The following IMMP2L variants were observed in gnomAD, a reference collection of about 807,000 sequenced individuals.
The protein encoded by IMMP2L is inner mitochondrial membrane peptidase subunit 2, also known as mitochondrial inner membrane protease subunit 2.
IMMP2L carries 18 observed loss-of-function variants against 19.3 expected under a neutral mutation model. The observed-to-expected ratio is 0.93, with a 90% CI of 0.64 to 1.38. The LOEUF is 1.38. Among genes scored for constraint, IMMP2L ranks in the 40% most tolerant of loss-of-function variants. IMMP2L has a pLI of 0.00. For missense variants in IMMP2L, 233 were observed against 218.2 expected (o/e 1.07, Z -0.43); for synonymous variants, 76 against 73.0 (o/e 1.04, Z -0.21).
chr7:110,706,971 G>A (rs1053030740), intron 5 of IMMP2L, among the ~76,000 whole-genome samples: 4 of 146,636 alleles, frequency 2.7e-5, no homozygotes, highest in African/African-American at 1.0e-4. Flanking sequence ...GATTTTTACA[G>A]TTTGAGGTGT....
intron 3 of IMMP2L, among the ~76,000 whole-genome samples, chr7:111,162,411 C>T (rs547806604): frequency 2.0e-5 from 3 of 151,792 alleles, no homozygotes; most frequent in Non-Finnish European, 4.4e-5. Context: ...AGAAGTCTGG[C>T]AAGATTAAAA....
At chr7:110,801,314 C>T (rs1801224353) in intron 5 of IMMP2L, among the ~76,000 whole-genome samples, 1 of 151,962 alleles carries the variant, frequency 6.6e-6, no homozygotes, top group African/African-American at 2.4e-5. Context: ...TTGAGCCTTC[C>T]CATATACTGC....
intron 5 of IMMP2L, among the ~76,000 whole-genome samples, chr7:110,867,860 G>A (rs148805858): frequency 6.6e-6 from 1 of 151,926 alleles, no homozygotes; most frequent in Admixed American, 6.6e-5. Flanking sequence ...TTTCTGAAAC[G>A]CCTGAATTCA....
At chr7:110,791,482 C>G (rs536288055) in intron 5 of IMMP2L, among the ~76,000 whole-genome samples, 20 of 150,238 alleles carry the variant, frequency 1.3e-4, no homozygotes, top group South Asian at 2.1e-4. Flanking sequence ...GATAATTATT[C>G]TGACATACAT....
chr7:110,934,765 C>A (rs1287141059), intron 4 of IMMP2L, among the ~76,000 whole-genome samples: 2 of 152,070 alleles, frequency 1.3e-5, no homozygotes, highest in East Asian at 1.9e-4. Context: ...CCTTCTTTGT[C>A]TTTTTTGATA....
intron 3 of IMMP2L, among the ~76,000 whole-genome samples, chr7:111,250,774 A>G (rs1049082641): frequency 1.3e-5 from 2 of 151,474 alleles, no homozygotes; most frequent in Non-Finnish European, 3.0e-5. Flanking sequence ...TAAAGACTTA[A>G]ATGTAAAACC....
chr7:110,885,754 A>G (rs2129545437), intron 5 of IMMP2L, among the ~76,000 whole-genome samples: 1 of 152,148 alleles, frequency 6.6e-6, no homozygotes. Flanking sequence ...AGGGCATTCT[A>G]ATCTTTCCCT....
chr7:110,672,747 A>G (rs1562906040), intron 5 of IMMP2L, among the ~76,000 whole-genome samples: 2 of 152,278 alleles, frequency 1.3e-5, no homozygotes, highest in South Asian at 2.1e-4. Flanking sequence ...CAGTTCCAAA[A>G]TGATTCTCCT....
intron 3 of IMMP2L, among the ~76,000 whole-genome samples, chr7:111,168,286 T>C (rs565950541): frequency 1.3e-5 from 2 of 152,034 alleles, no homozygotes; most frequent in South Asian, 4.1e-4. Flanking sequence ...GTTCTGTTTT[T>C]TTTTTCTACA....
intron 5 of IMMP2L, among the ~76,000 whole-genome samples, chr7:110,714,492 A>G (rs769256594): frequency 1.2e-4 from 19 of 152,058 alleles, no homozygotes; most frequent in Non-Finnish European, 2.1e-4. Context: ...CCTCCTCCTC[A>G]ACTTCCTTTT....
chr7:111,501,556 T>A (rs1844259179), intron 2 of IMMP2L, among the ~76,000 whole-genome samples: 2 of 152,078 alleles, frequency 1.3e-5, no homozygotes, highest in Admixed American at 1.3e-4. Flanking sequence ...GGAAAAAATG[T>A]TAAGGGCAGC....
intron 5 of IMMP2L, among the ~76,000 whole-genome samples, chr7:110,675,220 G>T (rs1447355272): frequency 6.6e-6 from 1 of 152,122 alleles, no homozygotes; most frequent in South Asian, 2.1e-4. Flanking sequence ...ATCATCAAAA[G>T]TGGTGACCCC....
intron 2 of IMMP2L, among the ~76,000 whole-genome samples, chr7:111,496,649 G>A (rs1313895279): frequency 2.0e-5 from 3 of 152,096 alleles, no homozygotes; most frequent in Non-Finnish European, 4.4e-5. Flanking sequence ...TCTTTCCATT[G>A]CAAATCTTAG....
intron 4 of IMMP2L, among the ~76,000 whole-genome samples, chr7:110,891,564 T>A (rs949009864): frequency 6.6e-5 from 10 of 152,232 alleles, no homozygotes. Context: ...GGACAAACAA[T>A]AAGTAGCAAA....
chr7:110,808,054 G>A (rs1224178332), intron 5 of IMMP2L, among the ~76,000 whole-genome samples: 1 of 151,962 alleles, frequency 6.6e-6, no homozygotes, highest in Non-Finnish European at 1.5e-5. Flanking sequence ...GCCATGGAAG[G>A]AAAGTACATG....
intron 3 of IMMP2L, among the ~76,000 whole-genome samples, chr7:111,408,258 C>T (rs1271716152): frequency 6.6e-6 from 1 of 151,504 alleles, no homozygotes; most frequent in Admixed American, 6.6e-5. Flanking sequence ...TCTGTATAGC[C>T]ATTGAAACAA....
At chr7:111,267,137 T>C (rs760541614) in intron 3 of IMMP2L, among the ~76,000 whole-genome samples, 24 of 152,158 alleles carry the variant, frequency 1.6e-4, no homozygotes, top group Non-Finnish European at 3.2e-4. Context: ...AGTGCTAACG[T>C]GCTATATTTC....
chr7:111,505,095 G>A (rs1585406778), intron 2 of IMMP2L, among the ~76,000 whole-genome samples: 1 of 151,886 alleles, frequency 6.6e-6, no homozygotes, highest in African/African-American at 2.4e-5. Flanking sequence ...CTAATATCCA[G>A]AATCTACAAA....
chr7:111,076,904 T>C (rs1391482265), intron 3 of IMMP2L, among the ~76,000 whole-genome samples: 1 of 152,210 alleles, frequency 6.6e-6, no homozygotes, highest in Non-Finnish European at 1.5e-5. Context: ...AAAAGGCTTT[T>C]ACTTTCCTTC....
Sources: allele counts gnomAD v4.1 joint callset (sites outside exome capture counted in the v4.1 genomes callset), GRCh38; gene constraint gnomAD v4.1.1; transcripts MANE v1.5; gene names NCBI Gene and HGNC (gene_info 2026-07-23, HGNC 2026-07-21).